Variants in CD109 observed in about 807,000 individuals in gnomAD.
CD109 encodes CD109 molecule, also known as CD109 antigen.
A neutral mutation model predicts 165.8 loss-of-function variants in CD109; 149 were observed. That is an observed-to-expected ratio of 0.90 (90% CI 0.79 to 1.03). The LOEUF is 1.03. Among genes scored for constraint, CD109 ranks in the 50% least tolerant of loss-of-function variants. The pLI, the probability that CD109 is intolerant of heterozygous loss-of-function variation, is 0.00. For synonymous variants in CD109, 585 were observed against 592.1 expected (o/e 0.99, Z 0.18); for missense variants, 1,712 against 1,677.8 (o/e 1.02, Z -0.36).
chr6:73,714,269 A>T (rs780878981), intron 2 of CD109, among the ~76,000 whole-genome samples: 1 of 152,122 alleles, frequency 6.6e-6, no homozygotes, highest in Non-Finnish European at 1.5e-5. Context: ...GTCTCTGATG[A>T]TCGTATCAGC....
At chr6:73,795,233 G>A (rs959696193) in intron 23 of CD109, among the ~76,000 whole-genome samples, 2 of 105,174 alleles carry the variant, frequency 1.9e-5, no homozygotes, top group Admixed American at 9.4e-5. Flanking sequence ...TTCAGAAAAT[G>A]CCACATATAA....
chr6:73,785,434 C>T lies in CD109; in HGVS notation c.2294C>T (p.Ala765Val), dbSNP rs1208696340. ...TCTGTTATCAGAGGTGAAGAATTTGCTTTGGAAATAACTATATTCAATTAT... is the reference window on the plus strand; with the variant it reads ...TCTGTTATCAGAGGTGAAGAATTTGTTTTGGAAATAACTATATTCAATTAT... ...PYSVIRGEEF[A>V]LEITIFNYLK... The change falls in exon 20 of 33, where the codon GCT becomes GTT. Residue 765 changes from alanine (A) to valine (V), a missense_variant. Coordinates refer to ENST00000287097, the MANE Select transcript of CD109 (RefSeq NM_133493.5). 6.2e-7 allele frequency: 1 copy of T among 1,604,090 alleles called. No individual in the cohort carries two copies. The highest frequency in any genetic ancestry group is 1.1e-5 in the South Asian group (1 of 89,080).
chr6:73,777,295 A>G (rs1372261390), intron 15 of CD109, among the ~76,000 whole-genome samples: 1 of 151,818 alleles, frequency 6.6e-6, no homozygotes, highest in Non-Finnish European at 1.5e-5. Flanking sequence ...TTTTTCTTGT[A>G]AATTTGTTTA....
intron 5 of CD109, among the ~76,000 whole-genome samples, chr6:73,753,070 A>G (rs1214217755): frequency 1.3e-5 from 2 of 149,262 alleles, no homozygotes; most frequent in Admixed American, 6.6e-5. Context: ...AAACCCTGGC[A>G]GAAAAACCAA....
intron 23 of CD109, among the ~76,000 whole-genome samples, chr6:73,796,001 T>C (rs553253937): frequency 4.0e-5 from 6 of 151,140 alleles, no homozygotes; most frequent in African/African-American, 1.5e-4. Context: ...AACTAGGGAG[T>C]TAGAGGTTAA....
intron 23 of CD109, among the ~76,000 whole-genome samples, chr6:73,793,737 G>GT (rs1775050964): frequency 6.6e-6 from 1 of 152,134 alleles, no homozygotes; most frequent in African/African-American, 2.4e-5. Flanking sequence ...TCTCAGTTTT[G>GT]TATTTCCTTA....
chr6:73,780,382 G>T, intron 15 of CD109, 42 bp from the exon 16 acceptor site: 1 of 1,167,176 alleles, frequency 8.6e-7, no homozygotes, highest in East Asian at 2.4e-5. Context: ...GTGGAAAGTT[G>T]TTATGAATCC....
At chr6:73,814,864 G>A (rs1016270633) in intron 29 of CD109, 117 bp from the exon 30 acceptor site, 6 of 559,574 alleles carry the variant, frequency 1.1e-5, no homozygotes, top group East Asian at 3.5e-5. Context: ...CTAGTTTGAA[G>A]ATTAAAAATC....
chr6:73,790,671 T>C (rs868342776), intron 22 of CD109, among the ~76,000 whole-genome samples: 1 of 152,058 alleles, frequency 6.6e-6, no homozygotes. Flanking sequence ...TGAGATGAGA[T>C]GTCTGAGCTC....
chr6:73,802,549 C>A (rs530928043), intron 23 of CD109, among the ~76,000 whole-genome samples: 2 of 151,972 alleles, frequency 1.3e-5, no homozygotes, highest in South Asian at 4.1e-4. Context: ...GCAAACAGTG[C>A]TAGATGACTA....
intron 24 of CD109, among the ~76,000 whole-genome samples, chr6:73,806,108 A>G (rs1363770024): frequency 6.6e-6 from 1 of 152,218 alleles, no homozygotes; most frequent in Non-Finnish European, 1.5e-5. Flanking sequence ...ACTTGGAACC[A>G]GCCCAAATGT....
rs997968991 is a variant in CD109 at position 73,815,073 on chromosome 6, A to G, written c.3861A>G (p.Val1287=). The stretch of plus-strand genomic sequence containing the variant: ...AAGCCTTTGATTTAGATGTTGCTGT[A>G]AAAGAAAATAAAGATGATCTCAATC... ...NQEAFDLDVA[V]KENKDDLNHV... is the part of the protein sequence containing the mutation. Residue 1287 remains valine (V), a synonymous_variant, in exon 30 of 33, where the codon GTA becomes GTG. Coordinates refer to ENST00000287097, the MANE Select transcript of CD109 (RefSeq NM_133493.5). 3.1e-6 allele frequency: 5 copies of G among 1,591,086 alleles called. No individual in the cohort carries two copies. Among genetic ancestry groups the G allele is most frequent in the African/African-American group, 1.4e-5 (1 of 73,146 alleles).
At chr6:73,702,554 G>T (rs1369765162) in intron 2 of CD109, among the ~76,000 whole-genome samples, 1 of 152,134 alleles carries the variant, frequency 6.6e-6, no homozygotes, top group African/African-American at 2.4e-5. Flanking sequence ...TTCACACATC[G>T]TCTTTGTTCT....
At chr6:73,818,850 G>C (rs1048537225) in intron 31 of CD109, among the ~76,000 whole-genome samples, 19 of 152,098 alleles carry the variant, frequency 1.2e-4, no homozygotes, top group African/African-American at 3.6e-4. Flanking sequence ...GAATTTGAGA[G>C]CCTGTCTGCC....
At chr6:73,810,574 T>C (rs573156642) in intron 27 of CD109, among the ~76,000 whole-genome samples, 1 of 152,178 alleles carries the variant, frequency 6.6e-6, no homozygotes, top group South Asian at 2.1e-4. Flanking sequence ...CTGAAACTTT[T>C]AATTTACTGA....
At chr6:73,718,416 G>A (rs992508686) in intron 2 of CD109, among the ~76,000 whole-genome samples, 3 of 151,966 alleles carry the variant, frequency 2.0e-5, no homozygotes, top group Admixed American at 6.6e-5. Flanking sequence ...ATGTTGAGGT[G>A]TGTTCCTTCT....
intron 5 of CD109, among the ~76,000 whole-genome samples, chr6:73,745,475 T>A (rs1772948063): frequency 6.6e-6 from 1 of 152,144 alleles, no homozygotes; most frequent in East Asian, 1.9e-4. Context: ...GCTGTATGCA[T>A]TGGTGGAGAA....
At chr6:73,746,267 T>C (rs888252179) in intron 5 of CD109, among the ~76,000 whole-genome samples, 4 of 152,182 alleles carry the variant, frequency 2.6e-5, no homozygotes, top group Middle Eastern at 6.3e-3. Flanking sequence ...GATAACTCAC[T>C]GGGCTCTGAC....
intron 2 of CD109, among the ~76,000 whole-genome samples, chr6:73,710,863 C>T (rs1353940529): frequency 6.6e-6 from 1 of 152,154 alleles, no homozygotes; most frequent in Non-Finnish European, 1.5e-5. Context: ...CTCAACTCTG[C>T]CTTTATAGCT....
Sources: gnomAD v4.1 joint callset for allele counts (sites outside exome capture counted in the v4.1 genomes callset) on GRCh38, gnomAD v4.1.1 for gene constraint, MANE v1.5 for transcripts, NCBI Gene and HGNC (gene_info 2026-07-23, HGNC 2026-07-21) for gene names.